AAK1: variants seen among roughly 807,000 people sequenced by gnomAD.
AAK1 encodes the protein AP2-associated protein kinase 1.
A neutral mutation model predicts 116.0 loss-of-function variants in AAK1; 37 were observed. The observed-to-expected ratio is 0.32, with a 90% CI of 0.25 to 0.42. The LOEUF is 0.42. Among genes scored for constraint, AAK1 ranks in the 10% least tolerant of loss-of-function variants. The pLI is 1.00. For missense variants in AAK1, 919 were observed against 1,170.6 expected, an observed-to-expected ratio of 0.79 and a Z score of 3.14; for synonymous variants, 458 against 439.9, an observed-to-expected ratio of 1.04 and a Z score of -0.51.
intron 12 of AAK1, among the ~76,000 whole-genome samples, chr2:69,518,369 T>C (rs996734882): frequency 1.3e-5 from 2 of 151,642 alleles, no homozygotes; most frequent in African/African-American, 4.8e-5. Flanking sequence ...TACAGTTGTA[T>C]TAGAAAAAAG....
intron 2 of AAK1, among the ~76,000 whole-genome samples, chr2:69,587,307 GTATA>G (rs1672813267): frequency 6.7e-6 from 1 of 149,356 alleles, no homozygotes; most frequent in Non-Finnish European, 1.5e-5. Context: ...ATATACGCAT[GTATA>G]TATACGCACA....
rs1178763729 is a variant in AAK1, at chr2:69,470,507, GGCCAGCTGT to G, written c.*5353_*5361del. On this transcript the variant is annotated 3_prime_UTR_variant, in exon 22 of 22. Transcript: ENST00000409085. ...GAGGGACCTCATGGAAGCCAAAAAT[GGCCAGCTGT>G]GCCTCTCAGGCCAATGAGGCAATTA... The G allele has an allele frequency of 1.0e-6, 1 of 985,320 alleles. No individual in the cohort carries two copies. Among genetic ancestry groups the G allele is most frequent in the Non-Finnish European group, 1.2e-6 (1 of 829,940 alleles). The allele number at this position is 985,320 out of a possible 1,614,324, so 61.0% of individuals were successfully genotyped here.
intron 17 of AAK1, among the ~76,000 whole-genome samples, chr2:69,492,548 A>T (rs1376340442): frequency 9.0e-6 from 1 of 111,364 alleles, no homozygotes; most frequent in Non-Finnish European, 1.6e-5. Flanking sequence ...TTTGAGATAG[A>T]GTCTTGCTCT....
At chr2:69,561,235 G>C (rs967338930) in intron 2 of AAK1, among the ~76,000 whole-genome samples, 2 of 152,076 alleles carry the variant, frequency 1.3e-5, no homozygotes, top group Non-Finnish European at 1.5e-5. Context: ...AGCCAAGAAG[G>C]GGAAGTGACA....
In AAK1 at chr2:69,463,612, A is replaced by C. The variant is rs576419516; in HGVS notation, c.*12257T>G. The C allele has an allele frequency of 2.0e-5, 3 of 152,522 alleles. No individual in the cohort carries two copies. Among genetic ancestry groups the C allele is most frequent in the African/African-American group, 7.2e-5 (3 of 41,568 alleles). The allele number at this position is 152,522 out of a possible 1,614,324, so 9.4% of individuals were successfully genotyped here. ...CTGCAACCTCTGCCTCCCGGGTTCA[A>C]GCGATTCTCCTGCCTCAGCCTCCTG... is the stretch of plus-strand genomic sequence containing the variant. On this transcript the variant is annotated 3_prime_UTR_variant, in exon 22 of 22. Transcript: ENST00000409085.
At chr2:69,488,149 C>CGTGTGTGTGTGT (rs58575925) in intron 17 of AAK1, among the ~76,000 whole-genome samples, 5,364 of 144,582 alleles carry the variant, frequency 0.037, 252 homozygotes, top group East Asian at 0.15. Flanking sequence ...TGTGTGTGGA[C>CGTGTGTGTGTGT]GTGTGTGTGT....
chr2:69,529,144 C>T lies in AAK1; in HGVS notation c.871+864G>A, dbSNP rs114727255. Among the ~76,000 whole-genome samples, 305 of 152,320 alleles carry T rather than the reference C, an allele frequency of 2.0e-3. 2 individuals carry two copies. Among genetic ancestry groups the T allele is most frequent in the Non-Finnish European group, 3.2e-3 (220 of 68,016 alleles). Reference sequence around the variant, plus strand: ...CATTTGCATAATGGGAATAATTACACTTAATACATAAAGGATTTTAAGAAT... The same window carrying T: ...CATTTGCATAATGGGAATAATTACATTTAATACATAAAGGATTTTAAGAAT... On this transcript the variant is annotated intron_variant, in intron 8 of 21. Coordinates refer to ENST00000409085, the MANE Select transcript of AAK1 (RefSeq NM_014911.5).
chr2:69,561,611 T>C (rs1212317694), intron 2 of AAK1, among the ~76,000 whole-genome samples: 1 of 152,226 alleles, frequency 6.6e-6, no homozygotes, highest in African/African-American at 2.4e-5. Flanking sequence ...ATCAACTTCA[T>C]ATATTATACA....
intron 2 of AAK1, among the ~76,000 whole-genome samples, chr2:69,603,005 C>A (rs569041712): frequency 6.6e-6 from 1 of 152,064 alleles, no homozygotes; most frequent in African/African-American, 2.4e-5. Context: ...GAATAAGACA[C>A]CATGGCAAAA....
At chr2:69,490,234 C>G (rs1457199570) in intron 17 of AAK1, among the ~76,000 whole-genome samples, 1 of 152,106 alleles carries the variant, frequency 6.6e-6, no homozygotes, top group East Asian at 1.9e-4. Flanking sequence ...AATGATGCAG[C>G]CTCTATGGAA....
intron 5 of AAK1, among the ~76,000 whole-genome samples, chr2:69,534,528 T>C (rs1393931408): frequency 6.6e-6 from 1 of 152,264 alleles, no homozygotes; most frequent in Non-Finnish European, 1.5e-5. Context: ...CGATGTCTCC[T>C]AAGCATTCCA....
intron 2 of AAK1, among the ~76,000 whole-genome samples, chr2:69,614,358 C>T (rs1049471515): frequency 6.6e-6 from 1 of 152,126 alleles, no homozygotes. Context: ...GGTGTAACAG[C>T]TGGAAGGAGG....
intron 8 of AAK1, among the ~76,000 whole-genome samples, chr2:69,528,293 C>A (rs1479336941): frequency 6.6e-6 from 1 of 152,086 alleles, no homozygotes; most frequent in Non-Finnish European, 1.5e-5. Flanking sequence ...TACTGTGAGA[C>A]CATTGGCAAG....
At chr2:69,598,167 A>AT (rs397797601) in intron 2 of AAK1, 1 of 1,073,600 alleles carries the variant, frequency 9.3e-7, no homozygotes, top group African/African-American at 1.7e-5. Flanking sequence ...CCCAATGCCA[A>AT]GTACATCATG....
rs1673508800 is a variant in AAK1, at chr2:69,600,224, G to T, written c.163+42654C>A. On this transcript the variant is annotated intron_variant, in intron 2 of 21. Coordinates refer to ENST00000409085, the MANE Select transcript of AAK1 (RefSeq NM_014911.5). ...GAGAACCCGATGGCTAGAATATTAT[G>T]AATATTCCAGGATTGAGTTGAAAAG... Among the ~76,000 whole-genome samples the T allele has an allele frequency of 4.0e-5, 6 of 150,456 alleles. No homozygotes were observed. In the South Asian group the frequency reaches 1.2e-3, roughly 31 times the overall value.
chr2:69,465,933 TG>T lies in AAK1; in HGVS notation c.*9935del. Reference sequence around the variant, plus strand: ...GAGACCGGTCTGTGCAGGCAGCTCCTGGGAGGTGCATTGGATAACTGTTAAC... The same window carrying T: ...GAGACCGGTCTGTGCAGGCAGCTCCTGGAGGTGCATTGGATAACTGTTAAC... On this transcript the variant is annotated 3_prime_UTR_variant, in exon 22 of 22. Transcript: ENST00000409085. 1 of 1,290,890 alleles carries T rather than the reference TG, an allele frequency of 7.7e-7. No homozygotes were observed. Among genetic ancestry groups the T allele is most frequent in the South Asian group, 1.2e-5 (1 of 81,012 alleles). The allele number at this position is 1,290,890 out of a possible 1,614,324, so 80.0% of individuals were successfully genotyped here.
intron 2 of AAK1, among the ~76,000 whole-genome samples, chr2:69,600,688 T>C (rs984916140): frequency 6.6e-6 from 1 of 152,198 alleles, no homozygotes; most frequent in Non-Finnish European, 1.5e-5. Flanking sequence ...TAGAATTACA[T>C]CAACTTAGCT....
chr2:69,643,706 C>A lies in AAK1; in HGVS notation c.-366G>T. Reference sequence around the variant, plus strand: ...GGGCCGCGCTCGGCTCCCGCCCGCCCGCCAGCTGATCCCGGGAGCGCCGGG... The same window carrying A: ...GGGCCGCGCTCGGCTCCCGCCCGCCAGCCAGCTGATCCCGGGAGCGCCGGG... On this transcript the variant is annotated 5_prime_UTR_variant, in exon 1 of 22. Transcript: ENST00000409085. The A allele has an allele frequency of 3.3e-6, 4 of 1,216,504 alleles. No individual in the cohort carries two copies. The highest frequency in any genetic ancestry group is 3.2e-4 in the Middle Eastern group (1 of 3,108). 75.4% of individuals were successfully genotyped at this position (1,216,504 alleles called of 1,614,324 possible). A position where few individuals can be genotyped will look rare whatever the true frequency, so the allele number is the denominator to read the frequency against.
chr2:69,473,654 C>T lies in AAK1; in HGVS notation c.*2215G>A, dbSNP rs897136105. 4.7e-5 allele frequency: 46 copies of T among 971,562 alleles called. No homozygotes were observed. Among genetic ancestry groups the T allele is most frequent in the Non-Finnish European group, 5.3e-5 (43 of 817,308 alleles). 60.2% of individuals were successfully genotyped at this position (971,562 alleles called of 1,614,324 possible). A position where few individuals can be genotyped will look rare whatever the true frequency, so the allele number is the denominator to read the frequency against. On this transcript the variant is annotated 3_prime_UTR_variant, in exon 22 of 22. Transcript: ENST00000409085. The stretch of plus-strand genomic sequence containing the variant: ...ATATGAAAAGAACAATTTAGAGATA[C>T]CTAATTTCTAAACTGTACTCTTCAT...
Sources: gnomAD v4.1 joint callset for allele counts (sites outside exome capture counted in the v4.1 genomes callset) on GRCh38, gnomAD v4.1.1 for gene constraint, MANE v1.5 for transcripts, NCBI Gene and HGNC (gene_info 2026-07-23, HGNC 2026-07-21) for gene names.